C8orf34: variants seen among roughly 807,000 people sequenced by gnomAD.
C8orf34 encodes the protein chromosome 8 open reading frame 34.
Under a neutral mutation model 68.3 loss-of-function variants are expected in C8orf34, and 65 were observed. The ratio of observed to expected loss-of-function variants is 0.95; its 90% CI spans 0.78 to 1.17. The LOEUF is 1.17. Among genes scored for constraint, C8orf34 ranks in the 50% most tolerant of loss-of-function variants. C8orf34 has a pLI of 0.00. For missense variants in C8orf34, 664 were observed against 655.4 expected, an observed-to-expected ratio of 1.01 and a Z score of -0.14; for synonymous variants, 244 against 241.2, an observed-to-expected ratio of 1.01 and a Z score of -0.11.
At chr8:68,807,335 T>C (rs1465885654) in intron 12 of C8orf34, among the ~76,000 whole-genome samples, 1 of 152,208 alleles carries the variant, frequency 6.6e-6, no homozygotes, top group African/African-American at 2.4e-5. Flanking sequence ...ATATGCAAAA[T>C]AATTCCCCTT....
intron 7 of C8orf34, among the ~76,000 whole-genome samples, chr8:68,584,302 A>T (rs913635761): frequency 6.6e-6 from 1 of 152,142 alleles, no homozygotes; most frequent in African/African-American, 2.4e-5. Flanking sequence ...TCTCTGAGAA[A>T]AAAAAAGTTG....
At chr8:68,540,642 C>T (rs544199533) in intron 7 of C8orf34, among the ~76,000 whole-genome samples, 8 of 151,960 alleles carry the variant, frequency 5.3e-5, no homozygotes, top group Admixed American at 2.0e-4. Flanking sequence ...GAGTTTGAGA[C>T]GAGCCTGGCT....
At chr8:68,693,832 C>T (rs1432470106) in intron 8 of C8orf34, among the ~76,000 whole-genome samples, 1 of 152,000 alleles carries the variant, frequency 6.6e-6, no homozygotes, top group South Asian at 2.1e-4. Context: ...AATCCTGCAG[C>T]GTCTGGTACA....
chr8:68,419,896 T>A (rs1463204907), intron 1 of C8orf34, among the ~76,000 whole-genome samples: 1 of 146,838 alleles, frequency 6.8e-6, no homozygotes, highest in Non-Finnish European at 1.5e-5. Flanking sequence ...AGTTAGTGGG[T>A]GCAGCACACC....
chr8:68,451,884 AC>A (rs1454837179), intron 3 of C8orf34, among the ~76,000 whole-genome samples: 9 of 152,070 alleles, frequency 5.9e-5, no homozygotes, highest in Non-Finnish European at 7.4e-5. Flanking sequence ...TGTAAAAAAA[AC>A]AACAAAAAAA....
chr8:68,744,342 G>C (rs1822407078), intron 10 of C8orf34, among the ~76,000 whole-genome samples: 1 of 152,224 alleles, frequency 6.6e-6, no homozygotes, highest in Non-Finnish European at 1.5e-5. Context: ...CTCCTCCAAA[G>C]GAATGCAGTT....
chr8:68,387,102 T>A (rs1001869308), intron 1 of C8orf34, among the ~76,000 whole-genome samples: 1 of 152,010 alleles, frequency 6.6e-6, no homozygotes, highest in Non-Finnish European at 1.5e-5. Flanking sequence ...AGTAGTTTGG[T>A]GTATCTGGCT....
At chr8:68,510,537 G>T (rs1355608104) in intron 5 of C8orf34, among the ~76,000 whole-genome samples, 1 of 152,144 alleles carries the variant, frequency 6.6e-6, no homozygotes, top group African/African-American at 2.4e-5. Context: ...TAAAATGTAG[G>T]CAAAAACTGA....
intron 4 of C8orf34, among the ~76,000 whole-genome samples, chr8:68,485,649 T>G (rs540743424): frequency 2.0e-5 from 3 of 150,912 alleles, no homozygotes; most frequent in African/African-American, 4.9e-5. Context: ...GAGGTGGGGG[T>G]TGCAGTGAGC....
intron 10 of C8orf34, among the ~76,000 whole-genome samples, chr8:68,747,289 G>A (rs1408111147): frequency 1.3e-5 from 2 of 150,332 alleles, no homozygotes; most frequent in Non-Finnish European, 3.0e-5. Context: ...TACTGAATGG[G>A]CAAAAACTGG....
chr8:68,689,578 G>A (rs1009941892), intron 8 of C8orf34, among the ~76,000 whole-genome samples: 1 of 151,862 alleles, frequency 6.6e-6, no homozygotes, highest in Non-Finnish European at 1.5e-5. Flanking sequence ...TAACTTAAAT[G>A]TTCATCATCA....
At chr8:68,454,827 G>A (rs1811482339) in intron 3 of C8orf34, among the ~76,000 whole-genome samples, 1 of 151,808 alleles carries the variant, frequency 6.6e-6, no homozygotes, top group Non-Finnish European at 1.5e-5. Flanking sequence ...CTTCCTTAAG[G>A]TGTAAAGTTA....
At chr8:68,533,475 C>T (rs1815335852) in intron 7 of C8orf34, 4 of 1,019,236 alleles carry the variant, frequency 3.9e-6, no homozygotes, top group South Asian at 9.0e-5. Context: ...TAATAATTGC[C>T]TTGTTTACAT....
At chr8:68,460,253 T>G (rs1161338355) in intron 3 of C8orf34, among the ~76,000 whole-genome samples, 1 of 152,208 alleles carries the variant, frequency 6.6e-6, no homozygotes, top group Non-Finnish European at 1.5e-5. Context: ...CGCCCGCCAT[T>G]GCCCAGGCTT....
chr8:68,608,770 A>G (rs1248720072), intron 7 of C8orf34, among the ~76,000 whole-genome samples: 2 of 152,076 alleles, frequency 1.3e-5, no homozygotes. Flanking sequence ...GAGATAAGAA[A>G]TAAGGAGAAG....
chr8:68,613,086 T>G lies in C8orf34; in HGVS notation c.1106-27290T>G, dbSNP rs537120720. ...CTCATATGGGAACATTGAGAATATG[T>G]ATTTTTCTTCTAGAAAGATGCAGTA... On this transcript the variant is annotated intron_variant, in intron 7 of 13. Coordinates refer to ENST00000518698, the MANE Select transcript of C8orf34 (RefSeq NM_052958.4). Among the ~76,000 whole-genome samples the G allele has an allele frequency of 9.2e-5, 14 of 152,264 alleles. No individual in the cohort carries two copies. In the East Asian group the frequency reaches 2.5e-3, roughly 27 times the overall value.
intron 1 of C8orf34, among the ~76,000 whole-genome samples, chr8:68,419,069 C>T (rs1195222422): frequency 4.1e-4 from 62 of 151,770 alleles, no homozygotes; most frequent in Middle Eastern, 3.4e-3. Flanking sequence ...AGAAAATTTT[C>T]GCAACCTGCT....
In C8orf34 at chr8:68,445,718, C is replaced by A. The variant is rs145830994; in HGVS notation, c.476-611C>A. On this transcript the variant is annotated intron_variant, in intron 2 of 13. Transcript: ENST00000518698. The stretch of plus-strand genomic sequence containing the variant: ...TTTATTTTTATTTACAACAGAATAC[C>A]ATGCTTTATTCCATGACATTCATAG... Among the ~76,000 whole-genome samples, 327 of 152,138 alleles carry A rather than the reference C, an allele frequency of 2.1e-3. 1 individual carries two copies. Among genetic ancestry groups the A allele is most frequent in the African/African-American group, 7.1e-3 (294 of 41,508 alleles).
chr8:68,627,497 A>G (rs1818570559), intron 7 of C8orf34, among the ~76,000 whole-genome samples: 1 of 152,208 alleles, frequency 6.6e-6, no homozygotes, highest in Non-Finnish European at 1.5e-5. Context: ...ATTGTTCACA[A>G]TCTCTAACCT....
Sources: gnomAD v4.1 joint callset for allele counts (sites outside exome capture counted in the v4.1 genomes callset) on GRCh38, gnomAD v4.1.1 for gene constraint, MANE v1.5 for transcripts, NCBI Gene and HGNC (gene_info 2026-07-23, HGNC 2026-07-21) for gene names.